The following SMC5 variants were observed in gnomAD, a reference collection of about 807,000 sequenced individuals.
The protein encoded by SMC5 is structural maintenance of chromosomes 5.
Under a neutral mutation model 148.3 loss-of-function variants are expected in SMC5, and 88 were observed. The observed-to-expected ratio is 0.59, with a 90% CI of 0.50 to 0.71. SMC5 has a LOEUF of 0.71. Ranked by LOEUF, SMC5 falls within the 30% of genes least tolerant of loss-of-function variation. The pLI, the probability that SMC5 is intolerant of heterozygous loss-of-function variation, is 0.00. For synonymous variants in SMC5, 421 were observed against 432.8 expected (o/e 0.97, Z 0.34); for missense variants, 1,142 against 1,298.9 (o/e 0.88, Z 1.86).
chr9:70,284,387 T>A (rs1033096342), intron 7 of SMC5, among the ~76,000 whole-genome samples: 1 of 152,194 alleles, frequency 6.6e-6, no homozygotes, highest in African/African-American at 2.4e-5. Context: ...TTACAGATAC[T>A]GAATACCAGT....
At chr9:70,278,872 C>T (rs552693966) in intron 5 of SMC5, among the ~76,000 whole-genome samples, 1 of 152,082 alleles carries the variant, frequency 6.6e-6, no homozygotes, top group African/African-American at 2.4e-5. Flanking sequence ...GAACCAGTAA[C>T]AGTATTATAA....
At chr9:70,321,787 C>T (rs910449546) in intron 15 of SMC5, among the ~76,000 whole-genome samples, 2 of 152,084 alleles carry the variant, frequency 1.3e-5, no homozygotes, top group African/African-American at 2.4e-5. Context: ...TTTGTAGAAA[C>T]CAGAATATAT....
At chr9:70,300,714 C>T (rs955182760) in intron 10 of SMC5, among the ~76,000 whole-genome samples, 1 of 152,010 alleles carries the variant, frequency 6.6e-6, no homozygotes, top group African/African-American at 2.4e-5. Flanking sequence ...TTAGGTGAAG[C>T]TATATTTAAT....
intron 2 of SMC5, among the ~76,000 whole-genome samples, chr9:70,265,361 A>C (rs1050846268): frequency 6.6e-6 from 1 of 152,186 alleles, no homozygotes; most frequent in African/African-American, 2.4e-5. Flanking sequence ...AGGGAGGCTG[A>C]AGCAGGAGAA....
At position 70,352,230 on chromosome 9, in the gene SMC5, T is replaced by C. The variant is rs771780938; in HGVS notation, c.3205T>C (p.Leu1069=). 8.7e-6 allele frequency: 14 copies of C among 1,611,842 alleles called. No individual in the cohort carries two copies. In the East Asian group the frequency reaches 3.1e-4, roughly 36 times the overall value. The change falls in exon 25 of 25, where the codon TTG becomes CTG. Residue 1069 remains leucine (L), a synonymous_variant. Coordinates refer to ENST00000361138, the MANE Select transcript of SMC5 (RefSeq NM_015110.4). Reference sequence around the variant, plus strand: ...TCCTTATTCTGAAAAGATGACAGTTTTGTTTGTCTACAATGGCCCTCATAT... The same window carrying C: ...TCCTTATTCTGAAAAGATGACAGTTCTGTTTGTCTACAATGGCCCTCATAT... ...NLPYSEKMTV[L]FVYNGPHMLE...
chr9:70,325,040 G>C lies in SMC5; in HGVS notation c.2397+897G>C, dbSNP rs779339103. Among the ~76,000 whole-genome samples the C allele has an allele frequency of 2.0e-4, 30 of 152,278 alleles. 1 individual carries two copies. The highest frequency in any genetic ancestry group is 2.6e-4 in the Admixed American group (4 of 15,292). On this transcript the variant is annotated intron_variant, in intron 17 of 24. Transcript: ENST00000361138. ...GGGGTTTCATTATATAGACATGGTT[G>C]TTGATTGAATCATTGGCTATGTGGT...
intron 24 of SMC5, among the ~76,000 whole-genome samples, chr9:70,351,752 G>C (rs2036808566): frequency 6.6e-6 from 1 of 152,112 alleles, no homozygotes; most frequent in Non-Finnish European, 1.5e-5. Flanking sequence ...AGTCTGGCAA[G>C]GTTTATATTG....
At chr9:70,309,438 C>G (rs373095207) in intron 11 of SMC5, among the ~76,000 whole-genome samples, 73 of 149,442 alleles carry the variant, frequency 4.9e-4, no homozygotes, top group African/African-American at 1.7e-3. Flanking sequence ...CCGCGCCCAG[C>G]CTAGAACTTC....
chr9:70,328,904 C>A (rs1166013585), intron 17 of SMC5, among the ~76,000 whole-genome samples: 1 of 152,218 alleles, frequency 6.6e-6, no homozygotes, highest in Non-Finnish European at 1.5e-5. Context: ...CAACTCTTGC[C>A]TTCTGCACAC....
intron 3 of SMC5, among the ~76,000 whole-genome samples, chr9:70,276,868 A>G (rs778382429): frequency 3.3e-5 from 5 of 152,158 alleles, no homozygotes; most frequent in Admixed American, 6.5e-5. Context: ...GATTTCTGGA[A>G]ATGCCACGAG....
intron 24 of SMC5, 85 bp downstream of exon 24, chr9:70,350,556 T>C: frequency 1.2e-6 from 1 of 829,754 alleles, no homozygotes; most frequent in Non-Finnish European, 1.9e-6. Flanking sequence ...AACATGCACA[T>C]ATTAGCAGGA....
chr9:70,350,453 C>T lies in SMC5; in HGVS notation c.3147C>T (p.Tyr1049=), dbSNP rs538844815. Residue 1049 remains tyrosine, a synonymous_variant, in exon 24 of 25, where the codon TAC becomes TAT. Transcript: ENST00000361138. ...CCTGTAAAGAAAATACATCTCAATACTTTTTCATAACACCAAAGGTAGGTA... is the reference window on the plus strand; with the variant it reads ...CCTGTAAAGAAAATACATCTCAATATTTTTTCATAACACCAAAGGTAGGTA... The part of the protein sequence containing the change: ...NTACKENTSQ[Y]FFITPKLLQN... 5 of 1,594,812 alleles carry T rather than the reference C, an allele frequency of 3.1e-6. No homozygotes were observed. Among genetic ancestry groups the T allele is most frequent in the African/African-American group, 1.4e-5 (1 of 74,028 alleles).
At chr9:70,324,802 G>A (rs756386378) in intron 17 of SMC5, among the ~76,000 whole-genome samples, 5 of 152,108 alleles carry the variant, frequency 3.3e-5, no homozygotes, top group Non-Finnish European at 5.9e-5. Context: ...ATTCGAGAAA[G>A]CACTATTCTT....
intron 1 of SMC5, among the ~76,000 whole-genome samples, chr9:70,263,137 G>A (rs1256406976): frequency 6.6e-6 from 1 of 152,100 alleles, no homozygotes. Context: ...ATCCAAGTGG[G>A]GCTTCATGTG....
At chr9:70,351,443 T>A (rs1340874273) in intron 24 of SMC5, among the ~76,000 whole-genome samples, 1 of 152,122 alleles carries the variant, frequency 6.6e-6, no homozygotes, top group Non-Finnish European at 1.5e-5. Flanking sequence ...GTAGATAGTC[T>A]TGTGGAATAG....
At chr9:70,330,347 CT>C (rs1036606110) in intron 17 of SMC5, among the ~76,000 whole-genome samples, 2 of 152,052 alleles carry the variant, frequency 1.3e-5, no homozygotes, top group Non-Finnish European at 2.9e-5. Context: ...CATTTGCCCC[CT>C]GGGGAGCAAA....
At chr9:70,311,612 A>C (rs184492454) in intron 11 of SMC5, 133 of 152,066 alleles carry the variant, frequency 8.7e-4, no homozygotes, top group African/African-American at 2.8e-3. Flanking sequence ...TTGTTTTTAA[A>C]CCAGTCAAAT....
chr9:70,264,580 A>G, intron 2 of SMC5, 135 bp downstream of exon 2: 4 of 771,360 alleles, frequency 5.2e-6, no homozygotes, highest in African/African-American at 3.6e-5. Flanking sequence ...TTTGGCAGGT[A>G]GAGAAGCTAG....
chr9:70,264,235 T>G, intron 1 of SMC5, 69 bp from the exon 2 acceptor site: 1 of 1,429,118 alleles, frequency 7.0e-7, no homozygotes, highest in East Asian at 2.4e-5. Context: ...AGGAAGCTCA[T>G]AGATAATGTA....
Sources: allele counts gnomAD v4.1 joint callset (sites outside exome capture counted in the v4.1 genomes callset), GRCh38; gene constraint gnomAD v4.1.1; transcripts MANE v1.5; gene names NCBI Gene and HGNC (gene_info 2026-07-23, HGNC 2026-07-21).